Variants in EIF5B observed in about 807,000 individuals in gnomAD.
EIF5B encodes the protein eIF-5B.
A neutral mutation model predicts 147.5 loss-of-function variants in EIF5B; 47 were observed. The observed-to-expected ratio is 0.32, with a 90% CI of 0.25 to 0.41. EIF5B has a LOEUF of 0.41. Among genes scored for constraint, EIF5B ranks in the 10% least tolerant of loss-of-function variants. The probability of loss-of-function intolerance (pLI) is 1.00; values close to 1 mark genes in which losing one functional copy is unlikely to be tolerated. For missense variants in EIF5B, 1,064 were observed against 1,413.2 expected (o/e 0.75, Z 3.96); for synonymous variants, 455 against 456.2 (o/e 1.00, Z 0.03).
Position 99,337,453 on chromosome 2 carries a change from C to G in EIF5B, c.-102C>G, listed in dbSNP as rs192078616. 8.5e-5 allele frequency: 125 copies of G among 1,469,034 alleles called. No individual in the cohort carries two copies. The African/African-American group carries it at 1.6e-3, about 19-fold the overall frequency. 91.0% of individuals were successfully genotyped at this position (1,469,034 alleles called of 1,614,324 possible). On this transcript the variant is annotated 5_prime_UTR_variant, in exon 1 of 24. Coordinates refer to ENST00000289371, the MANE Select transcript of EIF5B (RefSeq NM_015904.4). ...GAGCCGGGTGCGAGCGGCGGCAGCA[C>G]GAGGGGAAAAGAGCTGAGCGGAGAC...
chr2:99,396,630 G>GC (rs1675054532), intron 21 of EIF5B, 130 bp from the exon 22 acceptor site: 4 of 1,154,662 alleles, frequency 3.5e-6, no homozygotes, highest in African/African-American at 1.6e-5. Context: ...CACCCTGCCT[G>GC]CCCCTCTCCT....
chr2:99,398,792 A>G lies in EIF5B; in HGVS notation c.3438A>G (p.Lys1146=). 6.2e-7 allele frequency: 1 copy of G among 1,614,084 alleles called. No homozygotes were observed. Among genetic ancestry groups the G allele is most frequent in the Non-Finnish European group, 8.5e-7 (1 of 1,179,962 alleles). Residue 1146 remains lysine (K), a synonymous_variant, in exon 23 of 24, where the codon AAA becomes AAG. Coordinates refer to ENST00000289371, the MANE Select transcript of EIF5B (RefSeq NM_015904.4). The part of the protein sequence containing the change: ...GIVTSIEINH[K]QVDVAKKGQE... The stretch of plus-strand genomic sequence containing the variant: ...TAACAAGTATTGAAATAAACCATAA[A>G]CAAGTGGATGTTGCAAAAAAAGGAC...
chr2:99,392,726 C>T (rs772649091), intron 17 of EIF5B, among the ~76,000 whole-genome samples: 8 of 152,022 alleles, frequency 5.3e-5, no homozygotes, highest in East Asian at 1.9e-4. Context: ...TTCAGGATAC[C>T]GGTTTGTTAG....
chr2:99,382,722 A>G (rs1361571236), intron 13 of EIF5B, 58 bp from the exon 14 acceptor site: 20 of 1,485,736 alleles, frequency 1.3e-5, no homozygotes, highest in Non-Finnish European at 1.8e-5. Context: ...TTAAAAGTTT[A>G]AGAAAAGTAT....
At chr2:99,368,421 A>T in intron 6 of EIF5B, 72 bp from the exon 7 acceptor site, 1 of 1,093,298 alleles carries the variant, frequency 9.1e-7, no homozygotes, top group South Asian at 1.4e-5. Flanking sequence ...ATGAAATGCT[A>T]TCCTTTAAAT....
Position 99,394,852 on chromosome 2 carries a change from G to C in EIF5B, c.3223G>C (p.Asp1075His). The C allele has an allele frequency of 6.3e-7, 1 of 1,593,968 alleles. No homozygotes were observed. The highest frequency in any genetic ancestry group is 8.5e-7 in the Non-Finnish European group (1 of 1,170,420). ...LFDAFTKYRQ[D>H]YKKQKQEEFK... The stretch of plus-strand genomic sequence containing the variant: ...TGATGCCTTTACAAAATATAGACAA[G>C]ACTACAAGAAACAGAAACAAGAAGA... Residue 1075 changes from aspartate to histidine, a missense_variant, in exon 21 of 24, where the codon GAC becomes CAC. Transcript: ENST00000289371.
At chr2:99,386,919 AT>A (rs1476364543) in intron 14 of EIF5B, among the ~76,000 whole-genome samples, 2 of 151,528 alleles carry the variant, frequency 1.3e-5, no homozygotes, top group Non-Finnish European at 2.9e-5. Context: ...TTTATATTTT[AT>A]TTATTTTTGG....
At chr2:99,370,481 A>T (rs1444922011) in intron 8 of EIF5B, among the ~76,000 whole-genome samples, 5 of 152,182 alleles carry the variant, frequency 3.3e-5, no homozygotes, top group Non-Finnish European at 7.3e-5. Flanking sequence ...AGCGAATAGG[A>T]TCATCTCACC....
At position 99,376,402 on chromosome 2, in the gene EIF5B, G is replaced by GGAGGAAGAA. The variant is rs753044944; in HGVS notation, c.1620_1628dup (p.Glu541_Glu543dup). 1 of 1,554,596 alleles carries GGAGGAAGAA rather than the reference G, an allele frequency of 6.4e-7. No individual in the cohort carries two copies. Among genetic ancestry groups the GGAGGAAGAA allele is most frequent in the East Asian group, 2.3e-5 (1 of 43,132 alleles). ...AAGAAAACCCTGAAGAGGAGGAGGA[G>GGAGGAAGAA]GAGGAAGAAGAGGAAGAAGAAGATG... On this transcript the variant is annotated inframe_insertion, in exon 10 of 24. Coordinates refer to ENST00000289371, the MANE Select transcript of EIF5B (RefSeq NM_015904.4).
Position 99,337,392 on chromosome 2 carries a change from C to G in EIF5B, c.-163C>G. 1 of 857,930 alleles carries G rather than the reference C, an allele frequency of 1.2e-6. No individual in the cohort carries two copies. The highest frequency in any genetic ancestry group is 1.9e-6 in the Non-Finnish European group (1 of 532,548). 53.1% of individuals were successfully genotyped at this position (857,930 alleles called of 1,614,324 possible). On this transcript the variant is annotated 5_prime_UTR_variant, in exon 1 of 24. Coordinates refer to ENST00000289371, the MANE Select transcript of EIF5B (RefSeq NM_015904.4). ...TGCGCTTGCGCACTGAGAACTCACA[C>G]CATATGTGTCCTGTTCCAGTGCGCG...
rs1028073005 is a variant in EIF5B, at chr2:99,400,719, A to G, written c.*1305A>G. On this transcript the variant is annotated 3_prime_UTR_variant, in exon 24 of 24. Coordinates refer to ENST00000289371, the MANE Select transcript of EIF5B (RefSeq NM_015904.4). Reference sequence around the variant, plus strand: ...GTAGATTTCTCCGCATGGAAGAAGTAGTAAAGATTTTCTTAACATGCTCCT... The same window carrying G: ...GTAGATTTCTCCGCATGGAAGAAGTGGTAAAGATTTTCTTAACATGCTCCT... 2 of 152,346 alleles carry G rather than the reference A, an allele frequency of 1.3e-5. No homozygotes were observed. Among genetic ancestry groups the G allele is most frequent in the African/African-American group, 4.8e-5 (2 of 41,454 alleles). 9.4% of individuals were successfully genotyped at this position (152,346 alleles called of 1,614,324 possible).
At chr2:99,376,010 T>C (rs1011891881) in intron 9 of EIF5B, among the ~76,000 whole-genome samples, 12 of 152,220 alleles carry the variant, frequency 7.9e-5, no homozygotes, top group Non-Finnish European at 1.3e-4. Context: ...ACAGTTCTGG[T>C]CCAGGCATTA....
chr2:99,373,658 A>G (rs974747831), intron 9 of EIF5B, among the ~76,000 whole-genome samples: 2 of 152,180 alleles, frequency 1.3e-5, no homozygotes, highest in African/African-American at 4.8e-5. Context: ...GTCAATCTTT[A>G]TATTTTACCT....
chr2:99,363,829 G>T lies in EIF5B; in HGVS notation c.1104G>T (p.Arg368=). 1.2e-6 allele frequency: 2 copies of T among 1,610,870 alleles called. No individual in the cohort carries two copies. The highest frequency in any genetic ancestry group is 1.7e-6 in the Non-Finnish European group (2 of 1,179,272). The change falls in exon 5 of 24, where the codon CGG becomes CGT. Residue 368 remains arginine, a synonymous_variant. Transcript: ENST00000289371. ...QKREEEERIK[R]LEELEAKRKE... ...GAGAAGAGGAAGAACGTATAAAACGGCTTGAAGAATTAGAAGCCAAGCGTA... is the reference window on the plus strand; with the variant it reads ...GAGAAGAGGAAGAACGTATAAAACGTCTTGAAGAATTAGAAGCCAAGCGTA...
chr2:99,395,277 C>T (rs913251981), intron 21 of EIF5B, among the ~76,000 whole-genome samples: 2 of 152,220 alleles, frequency 1.3e-5, no homozygotes, highest in East Asian at 1.9e-4. Context: ...CAAGCACTCA[C>T]AGTACCTACA....
chr2:99,338,922 GTA>G (rs1553531981), intron 1 of EIF5B, among the ~76,000 whole-genome samples: 62,800 of 142,094 alleles, frequency 0.44, 14,183 homozygotes, highest in Admixed American at 0.58. Context: ...AGAAGTGTGT[GTA>G]TATATATATA....
At chr2:99,396,694 T>G (rs1293493729) in intron 21 of EIF5B, 66 bp from the exon 22 acceptor site, 1 of 1,519,796 alleles carries the variant, frequency 6.6e-7, no homozygotes, top group East Asian at 2.3e-5. Flanking sequence ...GATGTTCAGC[T>G]GCAGTTTTTC....
chr2:99,377,941 G>A (rs1674598055), intron 10 of EIF5B, among the ~76,000 whole-genome samples: 1 of 152,152 alleles, frequency 6.6e-6, no homozygotes, highest in Admixed American at 6.5e-5. Context: ...TTCTGAGTCA[G>A]TTTGTAACTT....
intron 1 of EIF5B, among the ~76,000 whole-genome samples, chr2:99,350,915 A>C (rs537138523): frequency 6.6e-6 from 1 of 151,762 alleles, no homozygotes; most frequent in African/African-American, 2.4e-5. Context: ...TAAAGAATAA[A>C]ATGTTTTTAA....
Sources: allele counts gnomAD v4.1 joint callset (sites outside exome capture counted in the v4.1 genomes callset), GRCh38; gene constraint gnomAD v4.1.1; transcripts MANE v1.5; gene names NCBI Gene and HGNC (gene_info 2026-07-23, HGNC 2026-07-21).